Variants in RAB38 observed in about 807,000 individuals in gnomAD.
RAB38 encodes RAB38, member RAS oncogene family, also known as ras-related protein Rab-38.
Under a neutral mutation model 18.4 loss-of-function variants are expected in RAB38, and 15 were observed. The ratio of observed to expected loss-of-function variants is 0.82; its 90% CI spans 0.55 to 1.26. RAB38 has a LOEUF of 1.26. Ranked by LOEUF, RAB38 falls within the 50% of genes most tolerant of loss-of-function variation. RAB38 has a pLI of 0.00. For missense variants in RAB38, 294 were observed against 267.4 expected (o/e 1.10, Z -0.69); for synonymous variants, 101 against 104.4 (o/e 0.97, Z 0.20).
At chr11:87,914,058 A>G in the RAB38 span, among the ~76,000 whole-genome samples, 1 of 152,084 alleles carries the variant, frequency 6.6e-6, no homozygotes, top group East Asian at 1.9e-4. Flanking sequence ...AATACCTTAA[A>G]GTGTGGAAGT....
intron 1 of RAB38, among the ~76,000 whole-genome samples, chr11:88,169,842 A>G (rs1943287768): frequency 6.6e-6 from 1 of 152,238 alleles, no homozygotes; most frequent in Non-Finnish European, 1.5e-5. Context: ...ACTTATTGTT[A>G]CAGTGATTTG....
the RAB38 span, among the ~76,000 whole-genome samples, chr11:88,037,600 TTAATC>T: frequency 1.3e-5 from 2 of 152,234 alleles, no homozygotes; most frequent in East Asian, 1.9e-4. Flanking sequence ...ATTTCTGTCA[TTAATC>T]TAAAGAAAAC....
the RAB38 span, among the ~76,000 whole-genome samples, chr11:87,865,334 A>T: frequency 6.6e-6 from 1 of 151,720 alleles, no homozygotes; most frequent in East Asian, 1.9e-4. Context: ...GTCTTTATAA[A>T]AGGGAAGCAG....
chr11:87,904,910 A>G, the RAB38 span, among the ~76,000 whole-genome samples: 2 of 151,582 alleles, frequency 1.3e-5, no homozygotes, highest in Non-Finnish European at 2.9e-5. Flanking sequence ...ATACGATTAT[A>G]TTTTCCATGA....
At chr11:88,005,837 C>G in the RAB38 span, among the ~76,000 whole-genome samples, 80 of 151,594 alleles carry the variant, frequency 5.3e-4, no homozygotes, top group Non-Finnish European at 1.0e-3. Flanking sequence ...GTTTTCCCAG[C>G]ATTGTTTATT....
At chr11:87,930,215 C>G in the RAB38 span, among the ~76,000 whole-genome samples, 1 of 152,194 alleles carries the variant, frequency 6.6e-6, no homozygotes, top group African/African-American at 2.4e-5. Flanking sequence ...TCCACATCCT[C>G]TCCAGCATCT....
At chr11:87,932,296 A>T in the RAB38 span, among the ~76,000 whole-genome samples, 26 of 152,122 alleles carry the variant, frequency 1.7e-4, no homozygotes, top group East Asian at 7.8e-4. Context: ...TAAAATTTTT[A>T]AAAAAAGAGA....
At chr11:88,036,845 A>G in the RAB38 span, among the ~76,000 whole-genome samples, 1 of 151,996 alleles carries the variant, frequency 6.6e-6, no homozygotes, top group African/African-American at 2.4e-5. Flanking sequence ...CAGAGCAAAT[A>G]TGGTTTGGTG....
the RAB38 span, among the ~76,000 whole-genome samples, chr11:87,938,472 C>T: frequency 1.3e-4 from 20 of 152,020 alleles, no homozygotes; most frequent in Admixed American, 1.0e-3. Flanking sequence ...TACAGCCTCA[C>T]AAAGGGAGAA....
chr11:88,008,758 C>G, the RAB38 span, among the ~76,000 whole-genome samples: 1 of 152,230 alleles, frequency 6.6e-6, no homozygotes, highest in Non-Finnish European at 1.5e-5. Context: ...ACTGCAAGCT[C>G]CGCCTCGCGG....
chr11:88,038,048 T>C, the RAB38 span, among the ~76,000 whole-genome samples: 1 of 152,204 alleles, frequency 6.6e-6, no homozygotes, highest in Non-Finnish European at 1.5e-5. Context: ...AAAATACTTT[T>C]TGCTCATCTG....
chr11:87,875,703 C>A, the RAB38 span, among the ~76,000 whole-genome samples: 1 of 151,312 alleles, frequency 6.6e-6, no homozygotes, highest in African/African-American at 2.4e-5. Flanking sequence ...GATTTTTTCT[C>A]TAGAAATGTA....
chr11:87,863,787 T>G, the RAB38 span, among the ~76,000 whole-genome samples: 157 of 151,950 alleles, frequency 1.0e-3, no homozygotes, highest in African/African-American at 3.7e-3. Context: ...TAGTTTACTA[T>G]GCAACCTAGC....
At chr11:87,970,260 GAAC>G in the RAB38 span, among the ~76,000 whole-genome samples, 1 of 151,886 alleles carries the variant, frequency 6.6e-6, no homozygotes, top group South Asian at 2.1e-4. Flanking sequence ...AATCCATAAA[GAAC>G]AAAATATCAA....
At chr11:87,955,398 A>C in the RAB38 span, among the ~76,000 whole-genome samples, 1 of 152,284 alleles carries the variant, frequency 6.6e-6, no homozygotes, top group South Asian at 2.1e-4. Context: ...AAAAACTGTT[A>C]GGTACCATGC....
At chr11:88,144,589 G>T (rs1444558892) in intron 2 of RAB38, among the ~76,000 whole-genome samples, 1 of 152,172 alleles carries the variant, frequency 6.6e-6, no homozygotes, top group Non-Finnish European at 1.5e-5. Flanking sequence ...CCTTTTCTCA[G>T]CAGAAGGATA....
Position 88,162,659 on chromosome 11 carries a change from T to C in RAB38, c.202+12524A>G, listed in dbSNP as rs144777013. Reference sequence around the variant, plus strand: ...TTCCAGAATTATCACTAGGAACATATAACTAGAACATACAGCTGGTTACTA... The same window carrying C: ...TTCCAGAATTATCACTAGGAACATACAACTAGAACATACAGCTGGTTACTA... On this transcript the variant is annotated intron_variant, in intron 1 of 2. Transcript: ENST00000243662. 2.9e-3 allele frequency among the ~76,000 whole-genome samples: 447 copies of C among 152,184 alleles called. 2 individuals are homozygous for C. The highest frequency in any genetic ancestry group is 9.7e-3 in the African/African-American group (404 of 41,538).
the RAB38 span, among the ~76,000 whole-genome samples, chr11:87,975,967 ATAAAAT>A: frequency 1.3e-5 from 2 of 151,490 alleles, no homozygotes; most frequent in Non-Finnish European, 3.0e-5. Context: ...AATCTCTTAA[ATAAAAT>A]TAATCAATTG....
At chr11:88,067,928 TAC>T in the RAB38 span, among the ~76,000 whole-genome samples, 2 of 148,776 alleles carry the variant, frequency 1.3e-5, no homozygotes, top group South Asian at 2.1e-4. Context: ...TATATATATA[TAC>T]ACACACACAT....
Sources: gnomAD v4.1 joint callset for allele counts (sites outside exome capture counted in the v4.1 genomes callset) on GRCh38, gnomAD v4.1.1 for gene constraint, MANE v1.5 for transcripts, NCBI Gene and HGNC (gene_info 2026-07-23, HGNC 2026-07-21) for gene names.